Variants in MYLK observed in about 807,000 individuals in gnomAD.
The protein encoded by MYLK is myosin light chain kinase, smooth muscle.
In MYLK, 106 loss-of-function variants were observed where a neutral mutation model predicts 203.4. The ratio of observed to expected loss-of-function variants is 0.52; its 90% CI spans 0.45 to 0.61. The LOEUF (loss-of-function observed/expected upper bound fraction) is 0.61, where lower values mean the gene tolerates loss of function less well. Among genes scored for constraint, MYLK ranks in the 20% least tolerant of loss-of-function variants. The pLI is 0.00. For synonymous variants in MYLK, 867 were observed against 959.5 expected (o/e 0.90, Z 1.78); for missense variants, 2,072 against 2,442.3 (o/e 0.85, Z 3.20).
intron 19 of MYLK, among the ~76,000 whole-genome samples, chr3:123,691,086 C>T (rs2060641930): frequency 6.6e-6 from 1 of 152,212 alleles, no homozygotes; most frequent in Admixed American, 6.5e-5. Context: ...CTGCCTTCAG[C>T]TAGCCATGTA....
At chr3:123,789,897 C>G (rs1370919834) in intron 4 of MYLK, among the ~76,000 whole-genome samples, 1 of 152,200 alleles carries the variant, frequency 6.6e-6, no homozygotes, top group African/African-American at 2.4e-5. Context: ...GAACCCCCAT[C>G]CCTGTGCAAT....
At chr3:123,827,091 C>T (rs1577078664) in intron 3 of MYLK, among the ~76,000 whole-genome samples, 1 of 151,952 alleles carries the variant, frequency 6.6e-6, no homozygotes, top group East Asian at 1.9e-4. Flanking sequence ...TATGAAATGC[C>T]AGAAAAACAA....
Position 123,614,025 on chromosome 3 carries a change from T to C in MYLK, c.*80A>G. ...ATCACACTAGGTGCTTTTACTATCT[T>C]GAGTTTTTTTTTTTTTTTTGAGTTT... On this transcript the variant is annotated 3_prime_UTR_variant, in exon 34 of 34. Transcript: ENST00000360304. 6.8e-7 allele frequency: 1 copy of C among 1,475,306 alleles called. No homozygotes were observed. Among genetic ancestry groups the C allele is most frequent in the Non-Finnish European group, 9.2e-7 (1 of 1,082,154 alleles). 91.4% of individuals were successfully genotyped at this position (1,475,306 alleles called of 1,614,324 possible).
At chr3:123,773,496 A>T (rs192269193) in intron 4 of MYLK, among the ~76,000 whole-genome samples, 3 of 152,362 alleles carry the variant, frequency 2.0e-5, no homozygotes, top group Admixed American at 2.0e-4. Context: ...AAAACAAGAG[A>T]CTGGCAGTGA....
At chr3:123,813,193 C>T (rs534281971) in intron 3 of MYLK, among the ~76,000 whole-genome samples, 4 of 152,284 alleles carry the variant, frequency 2.6e-5, no homozygotes, top group Non-Finnish European at 4.4e-5. Flanking sequence ...CAAGAACTTG[C>T]TAATGCTAAA....
chr3:123,811,336 G>A (rs1215171275), intron 3 of MYLK, among the ~76,000 whole-genome samples: 1 of 152,200 alleles, frequency 6.6e-6, no homozygotes, highest in African/African-American at 2.4e-5. Flanking sequence ...ACCACCATCA[G>A]CTATTAGCTG....
intron 2 of MYLK, among the ~76,000 whole-genome samples, chr3:123,875,010 T>A (rs957790869): frequency 6.6e-6 from 1 of 152,168 alleles, no homozygotes; most frequent in Non-Finnish European, 1.5e-5. Context: ...GTGGAAAATA[T>A]AACCCTCATA....
chr3:123,825,551 C>T (rs1577075431), intron 3 of MYLK, among the ~76,000 whole-genome samples: 1 of 152,222 alleles, frequency 6.6e-6, no homozygotes, highest in Non-Finnish European at 1.5e-5. Flanking sequence ...AGCCACATTG[C>T]CCTGAATTCG....
chr3:123,762,403 A>G (rs1438457884), intron 4 of MYLK, among the ~76,000 whole-genome samples: 3 of 151,074 alleles, frequency 2.0e-5, no homozygotes, highest in Non-Finnish European at 4.4e-5. Flanking sequence ...CTAATTTTTC[A>G]TATTTTTGGT....
chr3:123,853,869 A>C (rs1006007331), intron 2 of MYLK, among the ~76,000 whole-genome samples: 9 of 152,098 alleles, frequency 5.9e-5, no homozygotes. Flanking sequence ...TGTGGAGTCT[A>C]TTTCTCTCCC....
chr3:123,717,355 T>G (rs2061932337), intron 13 of MYLK, among the ~76,000 whole-genome samples: 1 of 152,240 alleles, frequency 6.6e-6, no homozygotes, highest in Non-Finnish European at 1.5e-5. Context: ...CATTAGAAGC[T>G]CTGCATCAAA....
chr3:123,701,337 G>T, intron 17 of MYLK, 101 bp downstream of exon 17: 1 of 1,263,522 alleles, frequency 7.9e-7, no homozygotes, highest in Non-Finnish European at 1.2e-6. Context: ...CTCAGCTGCA[G>T]GACACAAACA....
Position 123,618,634 on chromosome 3 carries a change from CTT to C in MYLK, c.5500+3_5500+4del. The stretch of plus-strand genomic sequence containing the variant: ...ATGGTGAAGAGAAGCACAGCTACAA[CTT>C]ACCTTCAATCTTGCAGTCAAATCTA... On this transcript the variant is annotated splice_donor_region_variant and intron_variant, in intron 33 of 33. Coordinates refer to ENST00000360304, the MANE Select transcript of MYLK (RefSeq NM_053025.4). 1 of 1,613,988 alleles carries C rather than the reference CTT, an allele frequency of 6.2e-7. No individual in the cohort carries two copies. Among genetic ancestry groups the C allele is most frequent in the Non-Finnish European group, 8.5e-7 (1 of 1,179,888 alleles).
At chr3:123,693,198 G>C (rs2060754188) in intron 18 of MYLK, among the ~76,000 whole-genome samples, 1 of 152,184 alleles carries the variant, frequency 6.6e-6, no homozygotes, top group African/African-American at 2.4e-5. Flanking sequence ...CACAGGCCCT[G>C]CCCCCTGGAC....
chr3:123,848,521 C>G (rs2030337052), intron 2 of MYLK, among the ~76,000 whole-genome samples: 1 of 151,908 alleles, frequency 6.6e-6, no homozygotes, highest in Non-Finnish European at 1.5e-5. Context: ...TAAAAAAAAA[C>G]ACTATACTTC....
At position 123,831,616 on chromosome 3, in the gene MYLK, G is replaced by A. The variant is rs2700352; in HGVS notation, c.-72C>T. 0.18 allele frequency: 51,405 copies of A among 290,724 alleles called. 5,104 individuals carry two copies. The highest frequency in any genetic ancestry group is 0.24 in the South Asian group (6,629 of 27,786). 18.0% of individuals were successfully genotyped at this position (290,724 alleles called of 1,614,324 possible). A position where few individuals can be genotyped will look rare whatever the true frequency, so the allele number is the denominator to read the frequency against. ...ACAGGAAAGGCGTCCTGAAGCTCTC[G>A]GCTGGGAAGCTCCTGAAGTTGCTCT... On this transcript the variant is annotated 5_prime_UTR_variant, in exon 3 of 34. Transcript: ENST00000360304.
intron 2 of MYLK, among the ~76,000 whole-genome samples, chr3:123,845,369 T>C (rs982618696): frequency 6.6e-6 from 1 of 152,156 alleles, no homozygotes; most frequent in Non-Finnish European, 1.5e-5. Context: ...ACTAGAAGCA[T>C]CATTTATACC....
At chr3:123,826,485 G>A (rs1220799586) in intron 3 of MYLK, among the ~76,000 whole-genome samples, 1 of 152,178 alleles carries the variant, frequency 6.6e-6, no homozygotes, top group Non-Finnish European at 1.5e-5. Context: ...AAACAGACCT[G>A]TAGGTAGTCC....
At chr3:123,795,685 G>A (rs1449202877) in intron 3 of MYLK, among the ~76,000 whole-genome samples, 7 of 152,230 alleles carry the variant, frequency 4.6e-5, no homozygotes, top group Admixed American at 6.5e-5. Context: ...GGTTCCAAGT[G>A]CAGGTGGGGA....
Sources: gnomAD v4.1 joint callset for allele counts (sites outside exome capture counted in the v4.1 genomes callset) on GRCh38, gnomAD v4.1.1 for gene constraint, MANE v1.5 for transcripts, NCBI Gene and HGNC (gene_info 2026-07-23, HGNC 2026-07-21) for gene names.